SNRPN: variants seen among roughly 807,000 people sequenced by gnomAD.
SNRPN encodes small nuclear ribonucleoprotein polypeptide N.
A neutral mutation model predicts 25.2 loss-of-function variants in SNRPN; 7 were observed. That is an observed-to-expected ratio of 0.28 (90% confidence interval 0.16 to 0.52). The LOEUF (loss-of-function observed/expected upper bound fraction) is 0.52, where lower values mean the gene tolerates loss of function less well. Among genes scored for constraint, SNRPN ranks in the 20% least tolerant of loss-of-function variants. The pLI, the probability that SNRPN is intolerant of heterozygous loss-of-function variation, is 0.96. For missense variants in SNRPN, 196 were observed against 322.5 expected, an observed-to-expected ratio of 0.61 and a Z score of 3.00; for synonymous variants, 124 against 110.6, an observed-to-expected ratio of 1.12 and a Z score of -0.76.
At chr15:24,837,088 C>T (rs559065864) in intron 2 of SNRPN, among the ~76,000 whole-genome samples, 1 of 152,038 alleles carries the variant, frequency 6.6e-6, no homozygotes, top group African/African-American at 2.4e-5. Context: ...TTCCTGTACT[C>T]CAGTAGCTTC....
At chr15:24,848,167 G>C (rs1206831354) in intron 2 of SNRPN, among the ~76,000 whole-genome samples, 2 of 149,920 alleles carry the variant, frequency 1.3e-5, no homozygotes, top group South Asian at 2.1e-4. Context: ...GTCCGGTGCG[G>C]CCAACCAGCT....
At chr15:24,937,287 A>G (rs910231606) in intron 3 of SNRPN, among the ~76,000 whole-genome samples, 1 of 152,156 alleles carries the variant, frequency 6.6e-6, no homozygotes, top group Non-Finnish European at 1.5e-5. Context: ...CTAGAAATGT[A>G]TAATTATTGA....
chr15:24,909,470 A>T, intron 2 of SNRPN: 1 of 1,579,280 alleles, frequency 6.3e-7, no homozygotes, highest in Admixed American at 1.7e-5. Flanking sequence ...GCCTTCATAG[A>T]TCTTGTCCAT....
At chr15:24,889,003 A>T (rs2057423307) in intron 2 of SNRPN, among the ~76,000 whole-genome samples, 2 of 151,872 alleles carry the variant, frequency 1.3e-5, no homozygotes. Context: ...CTGCAACCTG[A>T]ACCTCTGGGG....
intron 2 of SNRPN, among the ~76,000 whole-genome samples, chr15:24,893,503 AGCTACTCG>A (rs1471513155): frequency 3.3e-5 from 5 of 151,924 alleles, no homozygotes; most frequent in Non-Finnish European, 7.4e-5. Flanking sequence ...CTGTAGTCCC[AGCTACTCG>A]GGAGGCTGAG....
chr15:24,912,109 A>G (rs575228941), intron 2 of SNRPN, among the ~76,000 whole-genome samples: 1 of 152,270 alleles, frequency 6.6e-6, no homozygotes, highest in East Asian at 1.9e-4. Flanking sequence ...TTTTGAAGTT[A>G]TGTGGGACAT....
At chr15:24,940,163 G>C (rs954083832) in intron 3 of SNRPN, among the ~76,000 whole-genome samples, 5 of 152,128 alleles carry the variant, frequency 3.3e-5, no homozygotes, top group African/African-American at 9.7e-5. Flanking sequence ...CTCCCATTCT[G>C]TGTGTTGCCT....
At chr15:24,946,550 G>C (rs2061901926) in intron 3 of SNRPN, among the ~76,000 whole-genome samples, 1 of 152,088 alleles carries the variant, frequency 6.6e-6, no homozygotes, top group Admixed American at 6.6e-5. Flanking sequence ...GCTCGTTGTA[G>C]CCTTGACTTC....
chr15:24,855,244 A>G (rs1326578570), upstream of SNRPN, among the ~76,000 whole-genome samples: 1 of 152,214 alleles, frequency 6.6e-6, no homozygotes. Flanking sequence ...AGCAAATACT[A>G]CATTCATTTG....
rs897447061 is a variant in SNRPN, at chr15:24,930,006, T to G, written c.-391+9882T>G. 2.0e-5 allele frequency among the ~76,000 whole-genome samples: 3 copies of G among 151,798 alleles called. No individual in the cohort carries two copies. The South Asian group carries it at 6.2e-4, about 32-fold the overall frequency. On this transcript the variant is annotated intron_variant, in intron 3 of 11. Transcript: ENST00000400097. Reference sequence around the variant, plus strand: ...ATCAAGACCCTCCTGGCTAACGCGGTGAAACCCTGTCTCCACCAAAAATAC... The same window carrying G: ...ATCAAGACCCTCCTGGCTAACGCGGGGAAACCCTGTCTCCACCAAAAATAC...
intron 2 of SNRPN, among the ~76,000 whole-genome samples, chr15:24,888,314 G>C (rs2057367872): frequency 6.6e-6 from 1 of 151,940 alleles, no homozygotes; most frequent in African/African-American, 2.4e-5. Context: ...CACTGTCTTG[G>C]CCAGGCTGGT....
intron 3 of SNRPN, among the ~76,000 whole-genome samples, chr15:24,941,459 G>T (rs1345655403): frequency 6.6e-6 from 1 of 152,202 alleles, no homozygotes; most frequent in Non-Finnish European, 1.5e-5. Context: ...ACCACGGCTG[G>T]TTGTGATTAT....
At chr15:24,851,449 C>G (rs1001425424) in intron 2 of SNRPN, 4 of 152,804 alleles carry the variant, frequency 2.6e-5, no homozygotes, top group African/African-American at 7.2e-5. Context: ...ATCTGGCAAA[C>G]AGGAGAAAGA....
At chr15:24,870,639 G>T (rs146754470) in intron 1 of SNRPN, among the ~76,000 whole-genome samples, 1 of 149,552 alleles carries the variant, frequency 6.7e-6, no homozygotes, top group Non-Finnish European at 1.5e-5. Flanking sequence ...AGTGCTCATA[G>T]ACAACTTCTT....
At chr15:24,858,169 A>T (rs2053604534) in intron 1 of SNRPN, among the ~76,000 whole-genome samples, 1 of 152,112 alleles carries the variant, frequency 6.6e-6, no homozygotes. Context: ...CCTAAACCGT[A>T]ATTTTTAATC....
At chr15:24,853,550 C>G (rs909221848), upstream of SNRPN, among the ~76,000 whole-genome samples, 18 of 152,222 alleles carry the variant, frequency 1.2e-4, no homozygotes, top group Non-Finnish European at 2.5e-4. Context: ...CCCGCCACCA[C>G]GCCCAGCTAA....
upstream of SNRPN, among the ~76,000 whole-genome samples, chr15:24,952,976 C>CA (rs1168822921): frequency 4.0e-5 from 6 of 151,886 alleles, no homozygotes; most frequent in East Asian, 1.2e-3. Flanking sequence ...AAAAAATGAA[C>CA]ACCCAATTCC....
upstream of SNRPN, among the ~76,000 whole-genome samples, chr15:24,951,153 G>A (rs562391234): frequency 1.3e-4 from 20 of 152,186 alleles, no homozygotes; most frequent in African/African-American, 4.8e-4. Flanking sequence ...GTGAACCACC[G>A]TGCCTGGCCG....
At position 24,977,107 on chromosome 15, in the gene SNRPN, G is replaced by T. The variant is rs2077145055; in HGVS notation, c.420+78G>T. 3 of 1,183,634 alleles carry T rather than the reference G, an allele frequency of 2.5e-6. No homozygotes were observed. The Admixed American group carries it at 8.6e-5, about 34-fold the overall frequency. The allele number at this position is 1,183,634 out of a possible 1,614,324, so 73.3% of individuals were successfully genotyped here. On this transcript the variant is annotated intron_variant, in intron 7 of 9. Coordinates refer to ENST00000390687, the MANE Select transcript of SNRPN (RefSeq NM_003097.6). ...AGGCCGAGGAGATTTAAAAACCTAA[G>T]TGTATGTGTCATACAATGTAAACAG...
Sources: gnomAD v4.1 joint callset for allele counts (sites outside exome capture counted in the v4.1 genomes callset) on GRCh38, gnomAD v4.1.1 for gene constraint, MANE v1.5 for transcripts, NCBI Gene and HGNC (gene_info 2026-07-23, HGNC 2026-07-21) for gene names.